ARHGEF4: variants seen among roughly 807,000 people sequenced by gnomAD.
The protein encoded by ARHGEF4 is Rho guanine nucleotide exchange factor 4, also known as APC-stimulated guanine nucleotide exchange factor 1.
In ARHGEF4, 119 loss-of-function variants were observed where a neutral mutation model predicts 162.0. That is an observed-to-expected ratio of 0.73 (90% CI 0.63 to 0.86). ARHGEF4 has a LOEUF of 0.86. Ranked by LOEUF, ARHGEF4 falls within the 40% of genes least tolerant of loss-of-function variation. ARHGEF4 has a pLI of 0.00. For synonymous variants in ARHGEF4, 1,014 were observed against 979.9 expected (o/e 1.03, Z -0.65); for missense variants, 2,488 against 2,456.0 (o/e 1.01, Z -0.28).
intron 3 of ARHGEF4, among the ~76,000 whole-genome samples, chr2:130,945,202 T>C (rs1427586201): frequency 6.6e-6 from 1 of 152,062 alleles, no homozygotes; most frequent in Non-Finnish European, 1.5e-5. Flanking sequence ...CTTGGCATTC[T>C]CCCAGGCACT....
At chr2:131,011,552 G>A in intron 4 of ARHGEF4, 3 of 1,367,198 alleles carry the variant, frequency 2.2e-6, no homozygotes, top group South Asian at 1.4e-5. Context: ...CCTCAAGCAT[G>A]TGCTTCCATA....
chr2:130,839,426 A>C (rs1441806840), intron 1 of ARHGEF4, among the ~76,000 whole-genome samples: 5 of 152,192 alleles, frequency 3.3e-5, no homozygotes, highest in Non-Finnish European at 7.4e-5. Context: ...AGATGCAGCT[A>C]GTCTCCACCA....
intron 1 of ARHGEF4, among the ~76,000 whole-genome samples, chr2:130,872,150 G>A (rs1287337371): frequency 6.6e-6 from 1 of 152,220 alleles, no homozygotes; most frequent in African/African-American, 2.4e-5. Context: ...ATAAAAATGA[G>A]TTAAAGCCTA....
intron 6 of ARHGEF4, 173 bp from the exon 7 acceptor site, chr2:131,039,839 CCTCG>C: frequency 7.1e-7 from 1 of 1,412,596 alleles, no homozygotes; most frequent in Non-Finnish European, 9.2e-7. Context: ...AGTCGTCATT[CCTCG>C]GTCCAGGACT....
intron 1 of ARHGEF4, among the ~76,000 whole-genome samples, chr2:130,890,721 T>C (rs1250429838): frequency 2.0e-5 from 3 of 152,208 alleles, no homozygotes; most frequent in Non-Finnish European, 4.4e-5. Flanking sequence ...GTTTAAATTT[T>C]TAGGAATTTT....
chr2:131,028,126 G>A (rs1189427714), intron 5 of ARHGEF4, 42 bp downstream of exon 5: 1 of 1,607,486 alleles, frequency 6.2e-7, no homozygotes, highest in South Asian at 1.1e-5. Context: ...GACAGGCTGG[G>A]GCTACAGGCT....
chr2:130,932,583 G>A (rs1682701312), intron 3 of ARHGEF4, among the ~76,000 whole-genome samples: 2 of 152,186 alleles, frequency 1.3e-5, no homozygotes, highest in East Asian at 3.8e-4. Context: ...CCCATCTGTA[G>A]AGTGCCTTTC....
chr2:130,917,694 A>C lies in ARHGEF4; in HGVS notation c.3552+196A>C, dbSNP rs372777940. Among the ~76,000 whole-genome samples the C allele has an allele frequency of 2.0e-5, 3 of 152,278 alleles. No individual in the cohort carries two copies. The East Asian group carries it at 5.8e-4, about 29-fold the overall frequency. On this transcript the variant is annotated intron_variant, in intron 2 of 13. Coordinates refer to ENST00000409359, the MANE Select transcript of ARHGEF4 (RefSeq NM_001367493.1). ...ACTTCTTGAACGTTACCAAGCTAAC[A>C]AGCCAGAATTGGCATTTCATGATCA...
At chr2:130,948,697 C>A (rs1471059854) in intron 4 of ARHGEF4, among the ~76,000 whole-genome samples, 1 of 152,256 alleles carries the variant, frequency 6.6e-6, no homozygotes, top group African/African-American at 2.4e-5. Context: ...GAGGTCAGGG[C>A]TCTAGCCACA....
intron 4 of ARHGEF4, among the ~76,000 whole-genome samples, chr2:130,995,470 A>G (rs538497473): frequency 7.2e-4 from 109 of 152,292 alleles, no homozygotes; most frequent in African/African-American, 2.5e-3. Flanking sequence ...CGACGCCATC[A>G]TCTGGACCTC....
chr2:130,928,439 G>A (rs1224064456), intron 2 of ARHGEF4, among the ~76,000 whole-genome samples: 3 of 152,188 alleles, frequency 2.0e-5, no homozygotes, highest in African/African-American at 7.2e-5. Context: ...TAAGTCCGTG[G>A]TCCCCACAAG....
rs1353940206 is a variant in ARHGEF4 at position 131,046,357 on chromosome 2, T to C, written c.*168T>C. ...TGCCAGGTCTGTACTCCTGTTGTCT[T>C]TTTCCCTGCTCCTGGTGCCCTGAAG... On this transcript the variant is annotated 3_prime_UTR_variant, in exon 14 of 14. Transcript: ENST00000409359. 1 of 693,800 alleles carries C rather than the reference T, an allele frequency of 1.4e-6. No homozygotes were observed. Among genetic ancestry groups the C allele is most frequent in the Non-Finnish European group, 2.4e-6 (1 of 424,060 alleles). 43.0% of individuals were successfully genotyped at this position (693,800 alleles called of 1,614,324 possible).
chr2:130,943,483 TATC>T (rs1282571684), intron 3 of ARHGEF4, among the ~76,000 whole-genome samples: 1 of 152,190 alleles, frequency 6.6e-6, no homozygotes, highest in African/African-American at 2.4e-5. Flanking sequence ...TTTACCATGT[TATC>T]ATTCATTTTC....
rs550528636 is a variant in ARHGEF4 at position 130,935,714 on chromosome 2, A to G, written c.3858+4457A>G. The stretch of plus-strand genomic sequence containing the variant: ...ATATTTGTGAATTTTCCATTCTCCT[A>G]TTGACATCTAGTGTCATTACATTGC... On this transcript the variant is annotated intron_variant, in intron 3 of 13. Coordinates refer to ENST00000409359, the MANE Select transcript of ARHGEF4 (RefSeq NM_001367493.1). Among the ~76,000 whole-genome samples the G allele has an allele frequency of 8.5e-5, 13 of 152,234 alleles. No homozygotes were observed. The South Asian group carries it at 1.0e-3, about 12-fold the overall frequency.
chr2:130,880,093 C>G (rs991043772), intron 1 of ARHGEF4, among the ~76,000 whole-genome samples: 8 of 152,232 alleles, frequency 5.3e-5, no homozygotes, highest in African/African-American at 1.9e-4. Context: ...ATTTACTCCT[C>G]TCAACAGCCT....
At chr2:130,979,515 C>G (rs541043165) in intron 4 of ARHGEF4, among the ~76,000 whole-genome samples, 2 of 152,238 alleles carry the variant, frequency 1.3e-5, no homozygotes, top group East Asian at 3.9e-4. Context: ...GTGGGCAGAT[C>G]ACCTGAGGTC....
chr2:130,947,412 G>A (rs1186119995), intron 4 of ARHGEF4, among the ~76,000 whole-genome samples: 1 of 151,898 alleles, frequency 6.6e-6, no homozygotes, highest in Non-Finnish European at 1.5e-5. Flanking sequence ...ATAAAAAAAG[G>A]AATTCCTAGA....
At chr2:131,027,436 C>T (rs1689552185) in intron 4 of ARHGEF4, among the ~76,000 whole-genome samples, 1 of 152,100 alleles carries the variant, frequency 6.6e-6, no homozygotes, top group South Asian at 2.1e-4. Flanking sequence ...ATGGAGTATA[C>T]AAGATATGGA....
In ARHGEF4 at chr2:130,915,142, A is replaced by G. The variant is rs1681402322; in HGVS notation, c.1196A>G (p.His399Arg). ...PIPAFQSGAPHLQGPCKPGGF... is the reference protein window; with the variant it reads ...PIPAFQSGAPRLQGPCKPGGF... ...CCTGCTTTTCAGAGTGGGGCTCCCC[A>G]TCTGCAGGGTCCCTGCAAGCCTGGT... Residue 399 changes from histidine to arginine, a missense_variant, in exon 2 of 14, where the codon CAT becomes CGT. By Grantham distance (29) the His-to-Arg change is conservative. Transcript: ENST00000409359. 1.9e-6 allele frequency: 3 copies of G among 1,550,510 alleles called. No individual in the cohort carries two copies. The highest frequency in any genetic ancestry group is 2.4e-5 in the South Asian group (2 of 84,062).
Sources: gnomAD v4.1 joint callset for allele counts (sites outside exome capture counted in the v4.1 genomes callset) on GRCh38, gnomAD v4.1.1 for gene constraint, MANE v1.5 for transcripts, NCBI Gene and HGNC (gene_info 2026-07-23, HGNC 2026-07-21) for gene names.